TMBIM6: variants seen among roughly 807,000 people sequenced by gnomAD.
TMBIM6 encodes the protein bax inhibitor 1.
A neutral mutation model predicts 31.4 loss-of-function variants in TMBIM6; 13 were observed. That is an observed-to-expected ratio of 0.41 (90% confidence interval 0.27 to 0.66). The LOEUF (loss-of-function observed/expected upper bound fraction) is 0.66, where lower values mean the gene tolerates loss of function less well. Ranked by LOEUF, TMBIM6 falls within the 30% of genes least tolerant of loss-of-function variation. The probability of loss-of-function intolerance (pLI) is 0.28; values close to 1 mark genes in which losing one functional copy is unlikely to be tolerated. For synonymous variants in TMBIM6, 85 were observed against 101.7 expected (o/e 0.84, Z 0.99); for missense variants, 275 against 289.5 (o/e 0.95, Z 0.36).
chr12:49,761,429 TCCTGGGCTCAAGCAGTCCACCTG>T (rs1366453061), intron 8 of TMBIM6, among the ~76,000 whole-genome samples: 1 of 152,096 alleles, frequency 6.6e-6, no homozygotes, highest in Non-Finnish European at 1.5e-5. Context: ...GGTCTCGAAC[TCCTGGGCTCAAGCAGTCCACCTG>T]CCTCAGCCTC....
At chr12:49,749,435 A>ATTTTTCTTT (rs372622355) in intron 1 of TMBIM6, among the ~76,000 whole-genome samples, 1 of 136,388 alleles carries the variant, frequency 7.3e-6, no homozygotes, top group African/African-American at 3.1e-5. Context: ...TTTGTAAGTC[A>ATTTTTCTTT]TTTTTGTTTT....
At chr12:49,743,951 T>TCA (rs1466652081) in intron 1 of TMBIM6, among the ~76,000 whole-genome samples, 5 of 152,050 alleles carry the variant, frequency 3.3e-5, no homozygotes, top group African/African-American at 1.2e-4. Flanking sequence ...CAGGTATTGA[T>TCA]CATCATCGTT....
intron 8 of TMBIM6, 38 bp from the exon 9 acceptor site, chr12:49,761,666 T>C (rs1377105005): frequency 6.2e-7 from 1 of 1,603,248 alleles, no homozygotes; most frequent in Admixed American, 1.7e-5. Context: ...GATAAAAAAG[T>C]CTGAAGTACA....
intron 1 of TMBIM6, among the ~76,000 whole-genome samples, chr12:49,751,088 T>A (rs1156673376): frequency 3.3e-5 from 5 of 152,214 alleles, no homozygotes; most frequent in Non-Finnish European, 7.3e-5. Context: ...TCTTTAGTAC[T>A]GTAGATTGAA....
chr12:49,747,622 G>GT (rs1181866687), intron 1 of TMBIM6, among the ~76,000 whole-genome samples: 6 of 152,016 alleles, frequency 3.9e-5, no homozygotes, highest in African/African-American at 1.2e-4. Context: ...TTCCTTTTTT[G>GT]TTTTTTGGAA....
At chr12:49,759,158 T>C (rs1945664194) in intron 7 of TMBIM6, 63 bp from the exon 8 acceptor site, 1 of 1,382,202 alleles carries the variant, frequency 7.2e-7, no homozygotes, top group South Asian at 1.2e-5. Context: ...CCAGAAAGTA[T>C]GGCTGGTTTT....
chr12:49,758,354 C>G (rs1291416796), intron 5 of TMBIM6, 29 bp from the exon 6 acceptor site: 2 of 1,613,778 alleles, frequency 1.2e-6, no homozygotes, highest in African/African-American at 2.7e-5. Flanking sequence ...ACCTGTAGCC[C>G]TTAATCTAAT....
chr12:49,758,656 A>C (rs753088108), intron 6 of TMBIM6, 27 bp from the exon 7 acceptor site: 1 of 1,612,358 alleles, frequency 6.2e-7, no homozygotes, highest in Middle Eastern at 1.7e-4. Context: ...GGCTTCTCTC[A>C]AGACAGCTTT....
chr12:49,757,792 T>A (rs1192104436), intron 4 of TMBIM6, among the ~76,000 whole-genome samples: 1 of 152,246 alleles, frequency 6.6e-6, no homozygotes, highest in East Asian at 1.9e-4. Flanking sequence ...GCAGAACCAG[T>A]CTCACCTTTC....
chr12:49,753,941 G>A (rs910287452), intron 3 of TMBIM6, among the ~76,000 whole-genome samples: 2 of 79,652 alleles, frequency 2.5e-5, no homozygotes, highest in Non-Finnish European at 4.9e-5. Flanking sequence ...TTTTTTTTTT[G>A]AGACAGAGTC....
At chr12:49,757,124 C>G (rs1223808404) in intron 4 of TMBIM6, among the ~76,000 whole-genome samples, 1 of 152,206 alleles carries the variant, frequency 6.6e-6, no homozygotes, top group Non-Finnish European at 1.5e-5. Context: ...GCCTCAGCCT[C>G]CCAAAGTGCT....
rs201404822 is a variant in TMBIM6 at position 49,758,744 on chromosome 12, A to C, written c.495A>C (p.Gly165=). Residue 165 remains glycine (G), a synonymous_variant, in exon 7 of 10, where the codon GGA becomes GGC. Transcript: ENST00000267115. ...CTTCCCTGGGGAATGTTTTCTTTGG[A>C]TCCATTTGGCTTTTCCAGGTAAGAC... ...LLSSLGNVFF[G]SIWLFQANLY... is the part of the protein sequence containing the mutation. 9 of 1,611,824 alleles carry C rather than the reference A, an allele frequency of 5.6e-6. No homozygotes were observed. Among genetic ancestry groups the C allele is most frequent in the African/African-American group, 1.4e-5 (1 of 73,916 alleles).
intron 8 of TMBIM6, among the ~76,000 whole-genome samples, chr12:49,760,780 A>C (rs1945703408): frequency 6.6e-6 from 1 of 151,310 alleles, no homozygotes; most frequent in East Asian, 1.9e-4. Flanking sequence ...GGCCTCAAGC[A>C]ATCTGCCTTC....
chr12:49,751,570 A>G (rs1489297371), intron 1 of TMBIM6, among the ~76,000 whole-genome samples: 2 of 152,010 alleles, frequency 1.3e-5, no homozygotes, highest in African/African-American at 4.8e-5. Flanking sequence ...GGAGGTAGGA[A>G]CCTCTCTTTT....
chr12:49,755,828 T>G, intron 4 of TMBIM6, 73 bp downstream of exon 4: 2 of 1,415,720 alleles, frequency 1.4e-6, no homozygotes, highest in South Asian at 1.3e-5. Context: ...TTCCCCCCCC[T>G]TTTTTTTTCT....
intron 1 of TMBIM6, among the ~76,000 whole-genome samples, chr12:49,748,006 C>T (rs1249661747): frequency 5.3e-5 from 8 of 152,148 alleles, no homozygotes; most frequent in African/African-American, 1.9e-4. Context: ...CTGGCTCAAG[C>T]GATTCTCCTG....
At chr12:49,752,658 C>T in intron 2 of TMBIM6, 109 bp downstream of exon 2, 1 of 932,106 alleles carries the variant, frequency 1.1e-6, no homozygotes, top group Non-Finnish European at 1.7e-6. Context: ...ATTAACTTGG[C>T]CAGAATCCAG....
rs754060331 is a variant in TMBIM6, at chr12:49,762,939, A to AC, written c.*47dup. ...TCCCAATTAGACTTCCTCTCCTTCC[A>AC]CCCCTCATTTCCTTTTTGCACACAT... On this transcript the variant is annotated 3_prime_UTR_variant, in exon 10 of 10. Transcript: ENST00000267115. The AC allele has an allele frequency of 2.9e-5, 47 of 1,598,942 alleles. 1 individual carries two copies. In the South Asian group the frequency reaches 5.2e-4, roughly 18 times the overall value.
chr12:49,741,944 C>T (rs1945302690), intron 1 of TMBIM6: 3 of 811,780 alleles, frequency 3.7e-6, no homozygotes, highest in South Asian at 3.6e-5. Context: ...TCCTTCTCCT[C>T]TACTAAGTGT....
Sources: allele counts gnomAD v4.1 joint callset (sites outside exome capture counted in the v4.1 genomes callset), GRCh38; gene constraint gnomAD v4.1.1; transcripts MANE v1.5; gene names NCBI Gene and HGNC (gene_info 2026-07-23, HGNC 2026-07-21).